CACNG4: variants seen among roughly 807,000 people sequenced by gnomAD.
The protein encoded by CACNG4 is voltage-dependent calcium channel gamma-4 subunit.
In CACNG4, 8 loss-of-function variants were observed where a neutral mutation model predicts 22.9. The ratio of observed to expected loss-of-function variants is 0.35; its 90% confidence interval spans 0.21 to 0.63. The LOEUF (loss-of-function observed/expected upper bound fraction) is 0.63. CACNG4 is among the 30% of genes least tolerant of loss of function. The probability of loss-of-function intolerance (pLI) is 0.72; values close to 1 mark genes in which losing one functional copy is unlikely to be tolerated. For missense variants in CACNG4, 357 were observed against 455.4 expected (o/e 0.78, Z 1.97); for synonymous variants, 188 against 191.9 (o/e 0.98, Z 0.17).
At chr17:66,971,266 G>T (rs1384583746) in intron 1 of CACNG4, among the ~76,000 whole-genome samples, 2 of 151,928 alleles carry the variant, frequency 1.3e-5, no homozygotes, top group Non-Finnish European at 2.9e-5. Context: ...TTGAGGAGGG[G>T]TTTCCAGCCA....
At chr17:66,973,511 G>A (rs549464446) in intron 1 of CACNG4, among the ~76,000 whole-genome samples, 8 of 152,322 alleles carry the variant, frequency 5.3e-5, no homozygotes, top group Admixed American at 4.6e-4. Flanking sequence ...TGGCTGTGGG[G>A]CTGCCTGGCT....
chr17:66,980,803 G>A (rs979464763), intron 1 of CACNG4, among the ~76,000 whole-genome samples: 1 of 151,804 alleles, frequency 6.6e-6, no homozygotes, highest in Non-Finnish European at 1.5e-5. Flanking sequence ...ATTTTCAGTA[G>A]AGACAGGGTT....
intron 1 of CACNG4, among the ~76,000 whole-genome samples, chr17:66,968,146 G>T (rs543200327): frequency 6.6e-6 from 1 of 151,914 alleles, no homozygotes; most frequent in African/African-American, 2.4e-5. Context: ...GCCCAGAGGC[G>T]CCCAGGTAGG....
rs1292009652 is a variant in CACNG4, at chr17:67,032,679, A to G, written c.*1675A>G. The G allele has an allele frequency of 1.3e-5, 2 of 154,332 alleles. No homozygotes were observed. The highest frequency in any genetic ancestry group is 2.4e-5 in the African/African-American group (1 of 41,460). The allele number at this position is 154,332 out of a possible 1,614,324, so 9.6% of individuals were successfully genotyped here. ...CTGGGGATCTGAAATGAGGCCTGCCAGGGCCCCTGTGTGCTGTGCTCCAGA... is the reference window on the plus strand; with the variant it reads ...CTGGGGATCTGAAATGAGGCCTGCCGGGGCCCCTGTGTGCTGTGCTCCAGA... On this transcript the variant is annotated 3_prime_UTR_variant, in exon 4 of 4. Transcript: ENST00000262138.
At chr17:66,979,947 G>A (rs1440211856) in intron 1 of CACNG4, among the ~76,000 whole-genome samples, 1 of 151,740 alleles carries the variant, frequency 6.6e-6, no homozygotes, top group African/African-American at 2.4e-5. Flanking sequence ...GTAGAGATGG[G>A]GTTTCACCAT....
chr17:67,007,646 C>G (rs992365800), intron 1 of CACNG4, among the ~76,000 whole-genome samples: 2 of 152,174 alleles, frequency 1.3e-5, no homozygotes, highest in Non-Finnish European at 2.9e-5. Flanking sequence ...AAGCCCTTTC[C>G]TCAGTCGTCA....
At chr17:66,965,183 C>G in intron 1 of CACNG4, 52 bp downstream of exon 1, 1 of 1,049,510 alleles carries the variant, frequency 9.5e-7, no homozygotes, top group Non-Finnish European at 1.3e-6. Context: ...CACACACACA[C>G]ACATATACAC....
intron 1 of CACNG4, among the ~76,000 whole-genome samples, chr17:66,988,084 T>C (rs1209951098): frequency 2.0e-5 from 3 of 150,756 alleles, no homozygotes; most frequent in Non-Finnish European, 3.0e-5. Flanking sequence ...CACACACACA[T>C]GCAACTGCAC....
At chr17:66,974,222 G>A (rs1319704929) in intron 1 of CACNG4, among the ~76,000 whole-genome samples, 4 of 152,298 alleles carry the variant, frequency 2.6e-5, no homozygotes, top group East Asian at 3.9e-4. Flanking sequence ...CAGCTTTGTC[G>A]CTGAGCTTCC....
At chr17:66,979,204 T>C (rs981558282) in intron 1 of CACNG4, among the ~76,000 whole-genome samples, 22 of 152,238 alleles carry the variant, frequency 1.4e-4, no homozygotes, top group African/African-American at 4.8e-4. Context: ...CTTCTCTTCC[T>C]CTCGTCCCTC....
In CACNG4 at chr17:67,032,658, G is replaced by T. The variant is rs902957954; in HGVS notation, c.*1654G>T. 1 of 154,708 alleles carries T rather than the reference G, an allele frequency of 6.5e-6. No individual in the cohort carries two copies. Among genetic ancestry groups the T allele is most frequent in the African/African-American group, 2.4e-5 (1 of 41,470 alleles). The allele number at this position is 154,708 out of a possible 1,614,324, so 9.6% of individuals were successfully genotyped here. A position where few individuals can be genotyped will look rare whatever the true frequency, so the allele number is the denominator to read the frequency against. ...CCAGCTGACTGTCGCCGTGTGCTGG[G>T]GATCTGAAATGAGGCCTGCCAGGGC... On this transcript the variant is annotated 3_prime_UTR_variant, in exon 4 of 4. Coordinates refer to ENST00000262138, the MANE Select transcript of CACNG4 (RefSeq NM_014405.4).
chr17:67,007,423 A>G (rs939640330), intron 1 of CACNG4, among the ~76,000 whole-genome samples: 4 of 152,190 alleles, frequency 2.6e-5, no homozygotes, highest in African/African-American at 9.6e-5. Context: ...TGAGGAGTTG[A>G]AAACCATATA....
chr17:67,005,570 A>G (rs2035432631), intron 1 of CACNG4, among the ~76,000 whole-genome samples: 1 of 152,232 alleles, frequency 6.6e-6, no homozygotes, highest in Non-Finnish European at 1.5e-5. Flanking sequence ...ATTTAGAGGT[A>G]GAAATGGATT....
At position 67,023,270 on chromosome 17, in the gene CACNG4, C is replaced by CTTTTTTTT. The variant is rs3043068; in HGVS notation, c.305-1574_305-1567dup. On this transcript the variant is annotated intron_variant, in intron 2 of 3. Transcript: ENST00000262138. ...CTGAGTCACATCTGCAAGACCTCTTCTTTTTTTTTTTTTTTTTTTTTTTGA... is the reference window on the plus strand; with the variant it reads ...CTGAGTCACATCTGCAAGACCTCTTCTTTTTTTTTTTTTTTTTTTTTTTTTTTTTTTGA... 1.4e-4 allele frequency among the ~76,000 whole-genome samples: 11 copies of CTTTTTTTT among 79,784 alleles called. 1 individual carries two copies. Among genetic ancestry groups the CTTTTTTTT allele is most frequent in the Non-Finnish European group, 2.0e-4 (9 of 44,738 alleles). 52.3% of individuals were successfully genotyped at this position (79,784 alleles called of 152,430 possible).
At position 67,031,482 on chromosome 17, in the gene CACNG4, T is replaced by C. The variant is rs1381605646; in HGVS notation, c.*478T>C. The C allele has an allele frequency of 2.2e-6, 1 of 457,984 alleles. No individual in the cohort carries two copies. Among genetic ancestry groups the C allele is most frequent in the Non-Finnish European group, 4.4e-6 (1 of 227,616 alleles). 28.4% of individuals were successfully genotyped at this position (457,984 alleles called of 1,614,324 possible). On this transcript the variant is annotated 3_prime_UTR_variant, in exon 4 of 4. Transcript: ENST00000262138. The surrounding 1 kb of genome is among the most constrained non-coding windows in gnomAD (Gnocchi z 4.0). ...CAGCTGCTTTTGAACCTGAGGTTCC[T>C]GCGTCGTTGAGCCAGAAATCAGACC...
intron 1 of CACNG4, among the ~76,000 whole-genome samples, chr17:66,969,736 GT>G (rs553042643): frequency 1.3e-5 from 2 of 152,296 alleles, no homozygotes; most frequent in East Asian, 3.9e-4. Flanking sequence ...TTTCCAAAGA[GT>G]TTCCTGAAAC....
intron 1 of CACNG4, among the ~76,000 whole-genome samples, chr17:66,987,779 C>T (rs1366297889): frequency 1.3e-5 from 2 of 152,038 alleles, no homozygotes. Flanking sequence ...TCAGAGCCTC[C>T]TACTGACCAA....
chr17:66,979,651 G>A (rs191262791), intron 1 of CACNG4, among the ~76,000 whole-genome samples: 4 of 151,728 alleles, frequency 2.6e-5, no homozygotes, highest in Non-Finnish European at 5.9e-5. Flanking sequence ...ATATAAACCC[G>A]ATATTTAGAT....
intron 1 of CACNG4, among the ~76,000 whole-genome samples, chr17:66,978,429 G>C (rs560436973): frequency 6.6e-6 from 1 of 152,122 alleles, no homozygotes; most frequent in East Asian, 1.9e-4. Context: ...CAGAGGAAGG[G>C]GGGCTTCGGT....
Sources: gnomAD v4.1 joint callset for allele counts (sites outside exome capture counted in the v4.1 genomes callset) on GRCh38, gnomAD v4.1.1 for gene constraint, Gnocchi (gnomAD v3.1) non-coding constraint, MANE v1.5 for transcripts, NCBI Gene and HGNC (gene_info 2026-07-23, HGNC 2026-07-21) for gene names.